The following C11orf65 variants were observed in gnomAD, a reference collection of about 807,000 sequenced individuals.
C11orf65 encodes protein MFI.
A neutral mutation model predicts 35.3 loss-of-function variants in C11orf65; 38 were observed. The observed-to-expected ratio is 1.08, with a 90% CI of 0.83 to 1.41. The LOEUF (loss-of-function observed/expected upper bound fraction) is 1.41, where lower values mean the gene tolerates loss of function less well. Among genes scored for constraint, C11orf65 ranks in the 40% most tolerant of loss-of-function variants. The pLI is 0.00. For missense variants in C11orf65, 370 were observed against 367.1 expected (o/e 1.01, Z -0.06); for synonymous variants, 105 against 114.4 (o/e 0.92, Z 0.53).
At chr11:108,409,135 A>G (rs1476049696) in intron 3 of C11orf65, among the ~76,000 whole-genome samples, 1 of 152,206 alleles carries the variant, frequency 6.6e-6, no homozygotes, top group Non-Finnish European at 1.5e-5. Flanking sequence ...TGAATCTGTG[A>G]TAAATCTCTA....
chr11:108,327,698 C>T (rs1251099495), downstream of C11orf65: 6 of 1,614,022 alleles, frequency 3.7e-6, no homozygotes, highest in Non-Finnish European at 5.1e-6. Flanking sequence ...TTTGTGGCAA[C>T]TGGTTAGCAG....
At chr11:108,372,221 TCCCG>T (rs2091592775) in intron 2 of C11orf65, among the ~76,000 whole-genome samples, 1 of 151,922 alleles carries the variant, frequency 6.6e-6, no homozygotes, top group Non-Finnish European at 1.5e-5. Context: ...TGAGATGGAG[TCCCG>T]CTCTGTCGCC....
chr11:108,434,454 G>A (rs1385693641), intron 2 of C11orf65, among the ~76,000 whole-genome samples: 8 of 150,392 alleles, frequency 5.3e-5, no homozygotes, highest in East Asian at 2.0e-4. Flanking sequence ...GCAGTGAGCC[G>A]AAATGGTGCC....
rs876659563 is a variant in C11orf65 at position 108,325,373 on chromosome 11, C to A, written c.641-16302G>T. ...AGTGGCAGAAACACTCCCAGCTTCT[C>A]AAGGACAGTGATTTTAGTTTTCAGG... On this transcript the variant is annotated intron_variant, in intron 6 of 6. Coordinates refer to the C11orf65 transcript ENST00000525729. 1 of 1,612,438 alleles carries A rather than the reference C, an allele frequency of 6.2e-7. No homozygotes were observed. The highest frequency in any genetic ancestry group is 1.3e-5 in the African/African-American group (1 of 74,672).
intron 2 of C11orf65, among the ~76,000 whole-genome samples, chr11:108,361,848 G>A (rs1370963490): frequency 6.6e-6 from 1 of 151,824 alleles, no homozygotes; most frequent in African/African-American, 2.4e-5. Context: ...AAAAACCCTA[G>A]AAGAAAACCT....
intron 2 of C11orf65, among the ~76,000 whole-genome samples, chr11:108,449,388 C>A (rs2093314232): frequency 6.6e-6 from 1 of 151,930 alleles, no homozygotes; most frequent in African/African-American, 2.4e-5. Context: ...TCAAACTATA[C>A]TACAAGGCTA....
chr11:108,436,921 G>A (rs779628250), intron 2 of C11orf65, among the ~76,000 whole-genome samples: 1 of 152,030 alleles, frequency 6.6e-6, no homozygotes, highest in Non-Finnish European at 1.5e-5. Context: ...TATGCTTTTA[G>A]ACAAACAAAA....
rs1356309376 is a variant in C11orf65, at chr11:108,310,231, C to T, written c.641-1160G>A. On this transcript the variant is annotated intron_variant, in intron 6 of 6. Transcript: ENST00000525729. ...AATTATCTAGAAGTTGCCAAGGTAG[C>T]TCAGTCTTGTGCTGCTCACTTTACA... 6.2e-7 allele frequency: 1 copy of T among 1,613,562 alleles called. No homozygotes were observed. The highest frequency in any genetic ancestry group is 1.3e-5 in the African/African-American group (1 of 75,000).
intron 2 of C11orf65, chr11:108,346,013 T>C (rs995736846): frequency 1.9e-5 from 26 of 1,348,426 alleles, no homozygotes; most frequent in Non-Finnish European, 2.3e-5. Flanking sequence ...AGGGGGATGA[T>C]AGTGATGATG....
At chr11:108,311,677 G>A (rs1378712991) in intron 6 of C11orf65, among the ~76,000 whole-genome samples, 2 of 151,316 alleles carry the variant, frequency 1.3e-5, no homozygotes, top group African/African-American at 4.9e-5. Flanking sequence ...CAGCCTAGGC[G>A]ACAGAGCGAG....
chr11:108,442,349 T>C (rs999467372), intron 2 of C11orf65, among the ~76,000 whole-genome samples: 13 of 152,210 alleles, frequency 8.5e-5, no homozygotes, highest in East Asian at 1.9e-4. Flanking sequence ...TTACGTCTGA[T>C]TGGTGTACCT....
At chr11:108,330,496 G>A (rs750171759), downstream of C11orf65, 55 of 1,419,916 alleles carry the variant, frequency 3.9e-5, no homozygotes, top group Admixed American at 1.0e-4. Context: ...GTCAGGAATC[G>A]TGTATACCTC....
At chr11:108,434,379 C>T (rs1000975686) in intron 2 of C11orf65, among the ~76,000 whole-genome samples, 2 of 152,066 alleles carry the variant, frequency 1.3e-5, no homozygotes, top group African/African-American at 4.8e-5. Flanking sequence ...GTGGTGTGTG[C>T]CTGTAATCCC....
Position 108,341,830 on chromosome 11 carries a change from T to A in C11orf65, c.227-6538A>T, listed in dbSNP as rs529390754. Among the ~76,000 whole-genome samples, 4 of 152,324 alleles carry A rather than the reference T, an allele frequency of 2.6e-5. No individual in the cohort carries two copies. The East Asian group carries it at 7.7e-4, about 29-fold the overall frequency. ...TAGCAAAATATAAAAAGCCTGACAA[T>A]ATTAAGTATTGCGAAAGTTATGGAA... On this transcript the variant is annotated intron_variant, in intron 2 of 3. Coordinates refer to the C11orf65 transcript ENST00000524755.
At chr11:108,454,050 G>A (rs1467430564) in intron 2 of C11orf65, among the ~76,000 whole-genome samples, 1 of 152,110 alleles carries the variant, frequency 6.6e-6, no homozygotes, top group Non-Finnish European at 1.5e-5. Flanking sequence ...GCCATCCTGG[G>A]CTTTTCTTTG....
At chr11:108,428,361 C>T (rs867189652) in intron 3 of C11orf65, among the ~76,000 whole-genome samples, 5 of 152,180 alleles carry the variant, frequency 3.3e-5, no homozygotes, top group Non-Finnish European at 5.9e-5. Context: ...CACATGCACA[C>T]GTATGTTTAT....
In C11orf65 at chr11:108,365,175, C is replaced by T. The variant is rs1485620194; in HGVS notation, c.226+28033G>A. The T allele has an allele frequency of 5.6e-6, 9 of 1,614,146 alleles. No homozygotes were observed. The highest frequency in any genetic ancestry group is 5.0e-5 in the Admixed American group (3 of 60,018). ...GCCGGAAGATGAAACTGAGCTTCAC[C>T]CTACTCTGAATGCAGATGACCAAGA... On this transcript the variant is annotated intron_variant, in intron 2 of 3. Coordinates refer to the C11orf65 transcript ENST00000524755.
intron 6 of C11orf65, among the ~76,000 whole-genome samples, chr11:108,396,043 A>G (rs1217906717): frequency 2.0e-5 from 3 of 152,302 alleles, no homozygotes; most frequent in African/African-American, 2.4e-5. Flanking sequence ...CAGGGCTATA[A>G]CAGTGAGAAG....
chr11:108,422,254 C>A (rs1169229831), intron 3 of C11orf65, among the ~76,000 whole-genome samples: 1 of 152,110 alleles, frequency 6.6e-6, no homozygotes, highest in Non-Finnish European at 1.5e-5. Context: ...ATTCCTTACT[C>A]TACAATTTTC....
Sources: gnomAD v4.1 joint callset for allele counts (sites outside exome capture counted in the v4.1 genomes callset) on GRCh38, gnomAD v4.1.1 for gene constraint, MANE v1.5 for transcripts, NCBI Gene and HGNC (gene_info 2026-07-23, HGNC 2026-07-21) for gene names.